The following TMTC2 variants were observed in gnomAD, a reference collection of about 807,000 sequenced individuals.
TMTC2 encodes the protein protein O-mannosyl-transferase TMTC2.
A neutral mutation model predicts 82.4 loss-of-function variants in TMTC2; 43 were observed. The observed-to-expected ratio is 0.52, with a 90% CI of 0.41 to 0.67. The LOEUF is 0.67. Ranked by LOEUF, TMTC2 falls within the 30% of genes least tolerant of loss-of-function variation. The probability of loss-of-function intolerance (pLI) is 0.00; values close to 1 mark genes in which losing one functional copy is unlikely to be tolerated. For missense variants in TMTC2, 919 were observed against 1,012.4 expected, an observed-to-expected ratio of 0.91 and a Z score of 1.25; for synonymous variants, 408 against 381.9, an observed-to-expected ratio of 1.07 and a Z score of -0.80.
chr12:82,928,560 G>A (rs918390579), intron 3 of TMTC2, among the ~76,000 whole-genome samples: 5 of 152,082 alleles, frequency 3.3e-5, no homozygotes, highest in African/African-American at 9.7e-5. Flanking sequence ...ATAATGCCAA[G>A]GCCTATGTGA....
At chr12:83,028,463 C>T (rs1446501082) in intron 8 of TMTC2, among the ~76,000 whole-genome samples, 3 of 152,192 alleles carry the variant, frequency 2.0e-5, no homozygotes, top group African/African-American at 4.8e-5. Flanking sequence ...ACTCTGGTGT[C>T]GTAGATTTGT....
chr12:82,704,027 T>A (rs1477798930), intron 1 of TMTC2, among the ~76,000 whole-genome samples: 3 of 152,238 alleles, frequency 2.0e-5, no homozygotes, highest in Admixed American at 2.0e-4. Flanking sequence ...TAAATACCTT[T>A]ATGCTTATCT....
At chr12:82,813,063 T>C (rs1490955763) in intron 1 of TMTC2, among the ~76,000 whole-genome samples, 1 of 152,096 alleles carries the variant, frequency 6.6e-6, no homozygotes, top group East Asian at 1.9e-4. Context: ...ATTATGTTTA[T>C]ATAAATATTC....
chr12:82,799,219 C>A (rs1391352787), intron 1 of TMTC2, among the ~76,000 whole-genome samples: 1 of 151,992 alleles, frequency 6.6e-6, no homozygotes, highest in Admixed American at 6.6e-5. Context: ...TCCTGCAGAC[C>A]AGAGATTAGA....
intron 1 of TMTC2, among the ~76,000 whole-genome samples, chr12:82,783,863 A>G (rs938995736): frequency 1.3e-5 from 2 of 152,058 alleles, no homozygotes; most frequent in African/African-American, 2.4e-5. Context: ...GTTCTCTCCT[A>G]GTCTTGGTTT....
At chr12:82,748,312 GA>G (rs952873516) in intron 1 of TMTC2, among the ~76,000 whole-genome samples, 36 of 145,380 alleles carry the variant, frequency 2.5e-4, no homozygotes, top group East Asian at 6.0e-4. Flanking sequence ...CTGTCTCAAA[GA>G]AAAAAAAAAA....
intron 1 of TMTC2, among the ~76,000 whole-genome samples, chr12:82,831,278 C>A (rs1414746985): frequency 1.3e-5 from 2 of 152,196 alleles, no homozygotes; most frequent in Admixed American, 6.5e-5. Context: ...TTCTCCTGTG[C>A]ATCAGCAGTT....
intron 8 of TMTC2, among the ~76,000 whole-genome samples, chr12:83,016,267 G>C (rs1255562190): frequency 6.6e-6 from 1 of 152,072 alleles, no homozygotes; most frequent in Non-Finnish European, 1.5e-5. Flanking sequence ...TCTTAATTTG[G>C]ATCTTCTAAA....
chr12:82,971,396 G>T (rs1035015047), intron 7 of TMTC2, among the ~76,000 whole-genome samples: 4 of 151,992 alleles, frequency 2.6e-5, no homozygotes, highest in African/African-American at 9.7e-5. Context: ...GAATATACTG[G>T]ATACTTAAAA....
chr12:82,839,302 A>C (rs1337992076), intron 1 of TMTC2, among the ~76,000 whole-genome samples: 2 of 152,168 alleles, frequency 1.3e-5, no homozygotes, highest in Non-Finnish European at 2.9e-5. Flanking sequence ...GGCAACTTTT[A>C]ATGTTTTTCA....
chr12:82,762,938 T>C (rs1876731714), intron 1 of TMTC2, among the ~76,000 whole-genome samples: 1 of 152,018 alleles, frequency 6.6e-6, no homozygotes, highest in East Asian at 1.9e-4. Flanking sequence ...AGAATATATA[T>C]GGGTAGTGTA....
chr12:82,838,154 A>T (rs1348826945), intron 1 of TMTC2, among the ~76,000 whole-genome samples: 3 of 152,044 alleles, frequency 2.0e-5, no homozygotes, highest in African/African-American at 7.2e-5. Context: ...TGGGGTCCAG[A>T]TGGGATCACA....
At chr12:82,930,589 T>G (rs1875976234) in intron 4 of TMTC2, 44 bp downstream of exon 4, 2 of 1,221,470 alleles carry the variant, frequency 1.6e-6, no homozygotes, top group African/African-American at 1.5e-5. Context: ...CTTTGAAACC[T>G]GCAGTGAGAG....
At chr12:82,997,364 A>ATATATG (rs1565845075) in intron 8 of TMTC2, among the ~76,000 whole-genome samples, 11 of 28,964 alleles carry the variant, frequency 3.8e-4, no homozygotes, top group South Asian at 5.8e-3. Context: ...ATATATATAT[A>ATATATG]TGTGTATATA....
At chr12:82,792,245 A>G (rs868663064) in intron 1 of TMTC2, among the ~76,000 whole-genome samples, 2 of 152,206 alleles carry the variant, frequency 1.3e-5, no homozygotes, top group African/African-American at 4.8e-5. Context: ...CTATCTTTCT[A>G]TCAACTAGAG....
intron 2 of TMTC2, among the ~76,000 whole-genome samples, chr12:82,889,219 G>A (rs2137168385): frequency 6.6e-6 from 1 of 150,760 alleles, no homozygotes; most frequent in South Asian, 2.1e-4. Flanking sequence ...AGAGGCTGCA[G>A]TGAGCCGAGA....
chr12:82,706,819 G>C (rs1873381415), intron 1 of TMTC2, among the ~76,000 whole-genome samples: 1 of 152,156 alleles, frequency 6.6e-6, no homozygotes, highest in African/African-American at 2.4e-5. Flanking sequence ...CACATATGTA[G>C]ATCACTTTTG....
rs988320918 is a variant in TMTC2, at chr12:82,942,854, A to C, written c.1598+12309A>C. 2.0e-5 allele frequency among the ~76,000 whole-genome samples: 3 copies of C among 152,222 alleles called. No homozygotes were observed. The South Asian group carries it at 6.2e-4, about 32-fold the overall frequency. On this transcript the variant is annotated intron_variant, in intron 4 of 11. Coordinates refer to ENST00000321196, the MANE Select transcript of TMTC2 (RefSeq NM_152588.3). The stretch of plus-strand genomic sequence containing the variant: ...TTAATTTTTTTATTTAGAAAAAAAA[A>C]CAAAAGATGAAACATTTTCTTTCTA...
At chr12:82,934,777 G>C (rs1876227257) in intron 4 of TMTC2, among the ~76,000 whole-genome samples, 1 of 152,070 alleles carries the variant, frequency 6.6e-6, no homozygotes, top group African/African-American at 2.4e-5. Context: ...TCTGGTTCTA[G>C]ATCCTTGAGG....
Sources: gnomAD v4.1 joint callset for allele counts (sites outside exome capture counted in the v4.1 genomes callset) on GRCh38, gnomAD v4.1.1 for gene constraint, MANE v1.5 for transcripts, NCBI Gene and HGNC (gene_info 2026-07-23, HGNC 2026-07-21) for gene names.